Variants in ESCO1 observed in about 807,000 individuals in gnomAD.
ESCO1 encodes establishment of sister chromatid cohesion N-acetyltransferase 1.
In ESCO1, 33 loss-of-function variants were observed where a neutral mutation model predicts 83.5. The observed-to-expected ratio is 0.40, with a 90% CI of 0.30 to 0.53. The LOEUF is 0.53. Ranked by LOEUF, ESCO1 falls within the 20% of genes least tolerant of loss-of-function variation. The probability of loss-of-function intolerance (pLI) is 0.63; values close to 1 mark genes in which losing one functional copy is unlikely to be tolerated. For missense variants in ESCO1, 855 were observed against 968.0 expected, an observed-to-expected ratio of 0.88 and a Z score of 1.55; for synonymous variants, 332 against 324.3, an observed-to-expected ratio of 1.02 and a Z score of -0.25.
intron 5 of ESCO1, 24 bp from the exon 6 acceptor site, chr18:21,566,230 G>A (rs1401686601): frequency 6.2e-7 from 1 of 1,603,674 alleles, no homozygotes; most frequent in African/African-American, 1.3e-5. Context: ...AAGAAGGTGG[G>A]TTATATATTG....
chr18:21,557,578 TG>T (rs1369390855), intron 8 of ESCO1, among the ~76,000 whole-genome samples: 1 of 152,200 alleles, frequency 6.6e-6, no homozygotes, highest in Non-Finnish European at 1.5e-5. Context: ...TTCCTAAACT[TG>T]AAGGAAAGGG....
Position 21,575,429 on chromosome 18 carries a change from T to A in ESCO1, c.-586A>T. ...TATAGATTTCCTTTTGTGCTGCCGT[T>A]TCTGAAAAATTAAAAAACAAAAATA... On this transcript the variant is annotated splice_region_variant and 5_prime_UTR_variant, in exon 4 of 12. Transcript: ENST00000269214. 2.5e-6 allele frequency: 1 copy of A among 398,196 alleles called. No individual in the cohort carries two copies. Among genetic ancestry groups the A allele is most frequent in the Non-Finnish European group, 4.4e-6 (1 of 225,832 alleles). The allele number at this position is 398,196 out of a possible 1,614,324, so 24.7% of individuals were successfully genotyped here. A position where few individuals can be genotyped will look rare whatever the true frequency, so the allele number is the denominator to read the frequency against.
chr18:21,568,103 A>G lies in ESCO1; in HGVS notation c.1531-9T>C. The stretch of plus-strand genomic sequence containing the variant: ...AAACATTGGCTGAAATTCTGAACAC[A>G]TATAATTCAAAATTTTTACATCAAC... On this transcript the variant is annotated splice_polypyrimidine_tract_variant and intron_variant, in intron 4 of 11. Transcript: ENST00000269214. 6.3e-7 allele frequency: 1 copy of G among 1,590,630 alleles called. No homozygotes were observed.
At chr18:21,550,039 A>G (rs924081279) in intron 8 of ESCO1, among the ~76,000 whole-genome samples, 1 of 152,146 alleles carries the variant, frequency 6.6e-6, no homozygotes, top group African/African-American at 2.4e-5. Flanking sequence ...ATGAAAATCC[A>G]TGTGTTTTTA....
chr18:21,592,389 C>T (rs1488373558), intron 1 of ESCO1, among the ~76,000 whole-genome samples: 4 of 123,148 alleles, frequency 3.2e-5, no homozygotes, highest in Non-Finnish European at 5.2e-5. Context: ...TGACCCCCCC[C>T]ACCTCCCTCC....
At chr18:21,583,403 A>G (rs893196430) in intron 2 of ESCO1, among the ~76,000 whole-genome samples, 1 of 151,796 alleles carries the variant, frequency 6.6e-6, no homozygotes, top group Non-Finnish European at 1.5e-5. Flanking sequence ...CAGCACTTTG[A>G]GGGGCCAAGG....
chr18:21,583,486 A>C (rs1342418518), intron 2 of ESCO1, among the ~76,000 whole-genome samples: 1 of 152,038 alleles, frequency 6.6e-6, no homozygotes, highest in South Asian at 2.1e-4. Flanking sequence ...TCTACTAAAA[A>C]TACAAAAATT....
rs923254379 is a variant in ESCO1 at position 21,529,337 on chromosome 18, A to C, written c.*1006T>G. 6.6e-6 allele frequency: 1 copy of C among 152,626 alleles called. No individual in the cohort carries two copies. The highest frequency in any genetic ancestry group is 2.1e-4 in the South Asian group (1 of 4,834). The allele number at this position is 152,626 out of a possible 1,614,324, so 9.5% of individuals were successfully genotyped here. A position where few individuals can be genotyped will look rare whatever the true frequency, so the allele number is the denominator to read the frequency against. On this transcript the variant is annotated 3_prime_UTR_variant, in exon 12 of 12. Transcript: ENST00000269214. ...AGCTATCAAGTATTTTATTATTTTT[A>C]TTCTACATTATATACAGGTCATAAA...
intron 8 of ESCO1, 146 bp from the exon 9 acceptor site, chr18:21,540,155 A>C (rs1369193179): frequency 2.8e-6 from 2 of 720,362 alleles, no homozygotes; most frequent in African/African-American, 3.6e-5. Flanking sequence ...TTAATGCTTA[A>C]TAAAGCATGA....
Position 21,534,887 on chromosome 18 carries a change from T to C in ESCO1, c.2187+1155A>G, listed in dbSNP as rs199950816. ...GATCTGCCCGCCTCAGCCTCTCAAATTGCTGGGATTACAGGTCTGAGCCAC... is the reference window on the plus strand; with the variant it reads ...GATCTGCCCGCCTCAGCCTCTCAAACTGCTGGGATTACAGGTCTGAGCCAC... On this transcript the variant is annotated intron_variant, in intron 10 of 11. Coordinates refer to ENST00000269214, the MANE Select transcript of ESCO1 (RefSeq NM_052911.3). 1.1e-4 allele frequency among the ~76,000 whole-genome samples: 17 copies of C among 152,106 alleles called. No individual in the cohort carries two copies. In the East Asian group the frequency reaches 3.3e-3, roughly 29 times the overall value.
chr18:21,583,252 T>C (rs2038528061), intron 2 of ESCO1, among the ~76,000 whole-genome samples: 1 of 152,056 alleles, frequency 6.6e-6, no homozygotes, highest in Non-Finnish European at 1.5e-5. Flanking sequence ...CTTGCAATCA[T>C]TCTGAATAAA....
chr18:21,531,617 G>A (rs894391452), intron 11 of ESCO1, among the ~76,000 whole-genome samples: 1 of 151,756 alleles, frequency 6.6e-6, no homozygotes, highest in African/African-American at 2.4e-5. Flanking sequence ...CCAGGAGTTC[G>A]AGACCAGCCT....
intron 2 of ESCO1, among the ~76,000 whole-genome samples, chr18:21,581,823 G>T (rs933492123): frequency 6.6e-6 from 1 of 151,616 alleles, no homozygotes; most frequent in Non-Finnish European, 1.5e-5. Flanking sequence ...TTTGACACCA[G>T]CCTGGTCAAC....
chr18:21,551,579 C>T (rs890427010), intron 8 of ESCO1, among the ~76,000 whole-genome samples: 3 of 152,326 alleles, frequency 2.0e-5, no homozygotes, highest in African/African-American at 4.8e-5. Flanking sequence ...AGCAAGCCTG[C>T]CACAGACAGA....
chr18:21,555,981 G>A (rs1387846401), intron 8 of ESCO1, among the ~76,000 whole-genome samples: 3 of 151,926 alleles, frequency 2.0e-5, no homozygotes, highest in African/African-American at 2.4e-5. Context: ...CAGGGTGGGC[G>A]CAGTGGATCA....
intron 2 of ESCO1, among the ~76,000 whole-genome samples, chr18:21,580,645 A>G (rs2038489002): frequency 6.6e-6 from 1 of 152,238 alleles, no homozygotes. Context: ...ACTGAAGTTT[A>G]TATGAATAAA....
intron 1 of ESCO1, among the ~76,000 whole-genome samples, chr18:21,594,965 G>GTGTGTGTA (rs2038739898): frequency 7.4e-6 from 1 of 135,538 alleles, no homozygotes; most frequent in African/African-American, 2.6e-5. Flanking sequence ...GTGTGTGTGT[G>GTGTGTGTA]TATCTTTTTT....
At chr18:21,581,427 C>G (rs886720000) in intron 2 of ESCO1, among the ~76,000 whole-genome samples, 1 of 151,412 alleles carries the variant, frequency 6.6e-6, no homozygotes, top group African/African-American at 2.4e-5. Flanking sequence ...ATTAACAGAA[C>G]AAAATAGACT....
At position 21,574,390 on chromosome 18, in the gene ESCO1, A is replaced by C; in HGVS notation, c.454T>G (p.Leu152Val). 1.9e-6 allele frequency: 3 copies of C among 1,614,038 alleles called. No individual in the cohort carries two copies. Among genetic ancestry groups the C allele is most frequent in the Non-Finnish European group, 1.7e-6 (2 of 1,180,028 alleles). ...CACTGCTCTTTTTTAGTTGGTGGCA[A>C]ACTCTGTTTAACTGCTTGAACTTGA... ...QGQVQAVKQS[L>V]PPTKKEQCSS... Residue 152 changes from leucine (L) to valine (V), a missense_variant, in exon 4 of 12, where the codon TTG becomes GTG. This residue lies in a region of ESCO1 where 726 missense variants were observed against 699.5 expected (regional missense o/e 1.04). Transcript: ENST00000269214.
Sources: gnomAD v4.1 joint callset for allele counts (sites outside exome capture counted in the v4.1 genomes callset) on GRCh38, gnomAD v4.1.1 for gene constraint, gnomAD v4.1.1 regional missense constraint, MANE v1.5 for transcripts, NCBI Gene and HGNC (gene_info 2026-07-23, HGNC 2026-07-21) for gene names.